OSTF1: variants seen among roughly 807,000 people sequenced by gnomAD.
OSTF1 encodes osteoclast stimulating factor 1.
In OSTF1, 27 loss-of-function variants were observed where a neutral mutation model predicts 37.2. The ratio of observed to expected loss-of-function variants is 0.73; its 90% CI spans 0.54 to 1.00. OSTF1 has a LOEUF of 1.00. Ranked by LOEUF, OSTF1 falls within the 50% of genes least tolerant of loss-of-function variation. The pLI is 0.00. For missense variants in OSTF1, 232 were observed against 253.8 expected (o/e 0.91, Z 0.58); for synonymous variants, 82 against 89.2 (o/e 0.92, Z 0.46).
intron 1 of OSTF1, among the ~76,000 whole-genome samples, chr9:75,102,505 C>T (rs143495239): frequency 2.0e-3 from 303 of 152,260 alleles, no homozygotes; most frequent in African/African-American, 6.5e-3. Context: ...ACCTTTTTTA[C>T]GTTTTATGAG....
At chr9:75,125,706 G>A (rs535042302) in intron 2 of OSTF1, among the ~76,000 whole-genome samples, 1 of 152,154 alleles carries the variant, frequency 6.6e-6, no homozygotes, top group Non-Finnish European at 1.5e-5. Flanking sequence ...GTATTTTCAT[G>A]TATTATGGTT....
chr9:75,130,770 C>G, intron 4 of OSTF1, 129 bp downstream of exon 4: 1 of 651,048 alleles, frequency 1.5e-6, no homozygotes, highest in African/African-American at 1.8e-5. Context: ...ATTTTCTATT[C>G]CATGAGCCTT....
intron 9 of OSTF1, among the ~76,000 whole-genome samples, chr9:75,144,122 A>T (rs562374664): frequency 1.3e-5 from 2 of 152,238 alleles, no homozygotes; most frequent in Non-Finnish European, 2.9e-5. Flanking sequence ...CCAAGTTGAC[A>T]TGAAGTCCTG....
chr9:75,129,698 A>G (rs977210284), intron 3 of OSTF1, among the ~76,000 whole-genome samples: 5 of 152,220 alleles, frequency 3.3e-5, no homozygotes, highest in African/African-American at 1.2e-4. Context: ...AGAGGTTGAC[A>G]CTACAGAACA....
Position 75,137,561 on chromosome 9 carries a change from G to T in OSTF1, c.432G>T (p.Leu144Phe). ...NQQNKLGDTA[L>F]HAAAWKGYAD... ...AGAACAAGTTGGGAGATACAGCTTT[G>T]CATGCTGCTGCCTGGAAGGGTTATG... Residue 144 changes from leucine (L) to phenylalanine (F), a missense_variant, in exon 8 of 10, where the codon TTG becomes TTT. Physicochemically the swap from Leu to Phe is conservative, Grantham distance 22. Transcript: ENST00000346234. 1.2e-6 allele frequency: 2 copies of T among 1,612,222 alleles called. No individual in the cohort carries two copies. Among genetic ancestry groups the T allele is most frequent in the Non-Finnish European group, 1.7e-6 (2 of 1,178,294 alleles).
intron 4 of OSTF1, 38 bp from the exon 5 acceptor site, chr9:75,131,732 A>G (rs1455449515): frequency 1.3e-6 from 2 of 1,553,494 alleles, no homozygotes; most frequent in Non-Finnish European, 1.8e-6. Context: ...TTGTGTGGCA[A>G]TTCCACATTG....
At chr9:75,136,124 G>T (rs1825838918) in intron 7 of OSTF1, among the ~76,000 whole-genome samples, 2 of 152,194 alleles carry the variant, frequency 1.3e-5, no homozygotes, top group African/African-American at 4.8e-5. Context: ...CTGTACCAGG[G>T]CCAGGAACCT....
At chr9:75,140,333 G>A (rs1423731608) in intron 8 of OSTF1, among the ~76,000 whole-genome samples, 1 of 152,204 alleles carries the variant, frequency 6.6e-6, no homozygotes, top group Admixed American at 6.5e-5. Flanking sequence ...GAATTCTGAT[G>A]TAATTTTGAA....
intron 1 of OSTF1, among the ~76,000 whole-genome samples, chr9:75,089,217 G>T (rs1291992116): frequency 6.6e-6 from 1 of 151,666 alleles, no homozygotes; most frequent in African/African-American, 2.4e-5. Context: ...CTTAAGCGTG[G>T]AGCAGCGTTT....
intron 6 of OSTF1, among the ~76,000 whole-genome samples, chr9:75,133,851 T>C (rs1223015197): frequency 6.6e-6 from 1 of 152,224 alleles, no homozygotes; most frequent in African/African-American, 2.4e-5. Context: ...ACTTTTTCTG[T>C]TGTAATCAAT....
chr9:75,118,492 T>G (rs1825527579), intron 2 of OSTF1, among the ~76,000 whole-genome samples: 1 of 152,014 alleles, frequency 6.6e-6, no homozygotes, highest in South Asian at 2.1e-4. Context: ...AGTAGATGGT[T>G]TTGATACAGG....
chr9:75,116,329 A>G (rs1271195556), intron 1 of OSTF1, among the ~76,000 whole-genome samples: 4 of 152,116 alleles, frequency 2.6e-5, no homozygotes, highest in Non-Finnish European at 4.4e-5. Flanking sequence ...GTGCCCTTGG[A>G]TACTGAGGGA....
At chr9:75,112,131 T>G (rs897304908) in intron 1 of OSTF1, among the ~76,000 whole-genome samples, 36 of 151,872 alleles carry the variant, frequency 2.4e-4, no homozygotes, top group Non-Finnish European at 4.6e-4. Context: ...CTTTTTTTTT[T>G]TTTTTAAGGA....
chr9:75,108,962 G>A lies in OSTF1; in HGVS notation c.35-8542G>A, dbSNP rs1188340019. 4.6e-5 allele frequency among the ~76,000 whole-genome samples: 7 copies of A among 151,914 alleles called. No individual in the cohort carries two copies. In the South Asian group the frequency reaches 6.3e-4, roughly 14 times the overall value. On this transcript the variant is annotated intron_variant, in intron 1 of 9. Transcript: ENST00000346234. ...ATCAAACTTTTAAAGTGAGTCTACC[G>A]GAATTTTAGTAATAAGAGTGTAATT...
intron 2 of OSTF1, among the ~76,000 whole-genome samples, chr9:75,125,824 A>G (rs1236681609): frequency 6.6e-6 from 1 of 152,252 alleles, no homozygotes; most frequent in Non-Finnish European, 1.5e-5. Context: ...CTAGTGCAGA[A>G]TCATATTTAC....
chr9:75,116,605 C>CTTTTTTTTTT, intron 1 of OSTF1, among the ~76,000 whole-genome samples: 1 of 122,876 alleles, frequency 8.1e-6, no homozygotes, highest in Non-Finnish European at 1.7e-5. Flanking sequence ...CCAATGGGTC[C>CTTTTTTTTTT]TTTTTTTTTT....
chr9:75,109,561 CTAAAT>C (rs1825349457), intron 1 of OSTF1, among the ~76,000 whole-genome samples: 2 of 152,332 alleles, frequency 1.3e-5, no homozygotes, highest in Admixed American at 6.5e-5. Context: ...TTAAAGTCAA[CTAAAT>C]TAGTTTCTCA....
intron 9 of OSTF1, among the ~76,000 whole-genome samples, chr9:75,145,879 G>A (rs149936765): frequency 6.6e-6 from 1 of 152,216 alleles, no homozygotes; most frequent in Non-Finnish European, 1.5e-5. Flanking sequence ...CATGACTAGG[G>A]TTCTAGGTCC....
intron 2 of OSTF1, among the ~76,000 whole-genome samples, chr9:75,124,798 G>A (rs1281121185): frequency 6.6e-6 from 1 of 152,114 alleles, no homozygotes; most frequent in Non-Finnish European, 1.5e-5. Context: ...TGTTTTGTTT[G>A]TTTAAAGGGT....
Sources: gnomAD v4.1 joint callset for allele counts (sites outside exome capture counted in the v4.1 genomes callset) on GRCh38, gnomAD v4.1.1 for gene constraint, MANE v1.5 for transcripts, NCBI Gene and HGNC (gene_info 2026-07-23, HGNC 2026-07-21) for gene names.